The following TEDDM1 variants were observed in gnomAD, a reference collection of about 807,000 sequenced individuals.
TEDDM1 encodes epididymal protein 9.
For synonymous variants in TEDDM1, 126 were observed against 128.0 expected (o/e 0.98, Z 0.11); for missense variants, 344 against 318.9 (o/e 1.08, Z -0.60).
chr1:182,400,165 G>A lies in TEDDM1; in HGVS notation c.321C>T (p.Ile107=), dbSNP rs1387487961. 1 of 1,614,078 alleles carries A rather than the reference G, an allele frequency of 6.2e-7. No individual in the cohort carries two copies. The highest frequency in any genetic ancestry group is 2.2e-5 in the East Asian group (1 of 44,874). The change falls in exon 1 of 1, where the codon ATC becomes ATT. Residue 107 remains isoleucine, a synonymous_variant. Transcript: ENST00000367565. ...CCATCAGCAGCAGGAGCTCGTAGAT[G>A]ATCAGGACCAGGGTACCTTTTTCTA... ...VGLEKGTLVL[I]IYELLLLMVS...
rs1471696549 is a variant in TEDDM1 at position 182,400,422 on chromosome 1, T to A, written c.64A>T (p.Arg22Trp). 1 of 1,613,964 alleles carries A rather than the reference T, an allele frequency of 6.2e-7. No homozygotes were observed. Among genetic ancestry groups the A allele is most frequent in the African/African-American group, 1.3e-5 (1 of 74,932 alleles). ...CCTCCATAGGCTATTTTCCACAGCC[T>A]GGCACATCTTTGCTTATTCCTGGGA... is the stretch of plus-strand genomic sequence containing the variant. ...CSPRNKQRCA[R>W]LWKIAYGGLL... The change falls in exon 1 of 1, where the codon AGG becomes TGG. Residue 22 changes from arginine to tryptophan, a missense_variant. By Grantham distance (101) the Arg-to-Trp change is moderately radical. Coordinates refer to ENST00000367565, the MANE Select transcript of TEDDM1 (RefSeq NM_172000.4).
rs368830010 is a variant in TEDDM1 at position 182,399,918 on chromosome 1, C to T, written c.568G>A (p.Asp190Asn). 57 of 1,614,052 alleles carry T rather than the reference C, an allele frequency of 3.5e-5. No homozygotes were observed. The highest frequency in any genetic ancestry group is 4.4e-5 in the Non-Finnish European group (52 of 1,180,030). ...ACAAACATGATGTCACTGATGTCATCGTCCTGCCATGGGTAGCCAGAGACG... is the reference window on the plus strand; with the variant it reads ...ACAAACATGATGTCACTGATGTCATTGTCCTGCCATGGGTAGCCAGAGACG... Reference protein sequence around the residue: ...RPVSGYPWQDDDISDIMFVTT... With the variant: ...RPVSGYPWQDNDISDIMFVTT... The change falls in exon 1 of 1, where the codon GAT becomes AAT. Residue 190 changes from aspartate (D) to asparagine (N), a missense_variant. Physicochemically the swap from Asp to Asn is conservative, Grantham distance 23. Transcript: ENST00000367565.
chr1:182,399,720 C>G lies in TEDDM1; in HGVS notation c.766G>C (p.Val256Leu). 6.2e-7 allele frequency: 1 copy of G among 1,614,110 alleles called. No homozygotes were observed. The highest frequency in any genetic ancestry group is 1.1e-5 in the South Asian group (1 of 91,070). Reference protein sequence around the residue: ...PGPLYKLLQEVEQSEKEDQAL... With the variant: ...PGPLYKLLQELEQSEKEDQAL... The stretch of plus-strand genomic sequence containing the variant: ...TGGTCCTCTTTCTCTGACTGCTCCA[C>G]TTCCTGTAGCAACTTGTAGAGGGGT... Residue 256 changes from valine (V) to leucine (L), a missense_variant, in exon 1 of 1, where the codon GTG (valine) becomes CTG (leucine). Val to Leu is a conservative substitution (Grantham distance 32). Transcript: ENST00000367565.
rs1374837431 is a variant in TEDDM1 at position 182,398,778 on chromosome 1, T to A, written c.*886A>T. ...GTAATAAAATGAGAAGTCAGGGAAG[T>A]ACCAAGCATTTGAATGCTATAAAAA... is the stretch of plus-strand genomic sequence containing the variant. On this transcript the variant is annotated 3_prime_UTR_variant, in exon 1 of 1. Coordinates refer to ENST00000367565, the MANE Select transcript of TEDDM1 (RefSeq NM_172000.4). 6.6e-6 allele frequency: 1 copy of A among 152,200 alleles called. No individual in the cohort carries two copies. The highest frequency in any genetic ancestry group is 2.4e-5 in the African/African-American group (1 of 41,454). The allele number at this position is 152,200 out of a possible 1,614,324, so 9.4% of individuals were successfully genotyped here.
Position 182,400,564 on chromosome 1 carries a change from TC to T in TEDDM1, c.-80del. On this transcript the variant is annotated 5_prime_UTR_variant, in exon 1 of 1. It removes the in-frame stop codon of an upstream open reading frame in the 5' UTR. Coordinates refer to ENST00000367565, the MANE Select transcript of TEDDM1 (RefSeq NM_172000.4). Reference sequence around the variant, plus strand: ...CCAGTTAAAAATGGCCAATGGACTTTCCCATGGAATACAGGCCTGTCCGACT... The same window carrying T: ...CCAGTTAAAAATGGCCAATGGACTTTCCATGGAATACAGGCCTGTCCGACT... 1 of 1,206,554 alleles carries T rather than the reference TC, an allele frequency of 8.3e-7. No homozygotes were observed. The highest frequency in any genetic ancestry group is 1.2e-6 in the Non-Finnish European group (1 of 865,648). The allele number at this position is 1,206,554 out of a possible 1,614,324, so 74.7% of individuals were successfully genotyped here.
chr1:182,399,518 G>GAAGAA lies in TEDDM1; in HGVS notation c.*141_*145dup. On this transcript the variant is annotated 3_prime_UTR_variant, in exon 1 of 1. Coordinates refer to ENST00000367565, the MANE Select transcript of TEDDM1 (RefSeq NM_172000.4). ...CTCAAAAAAAAAAAAAAAGAAAAGA[G>GAAGAA]AAGAAAAGAAAATGAACCAGCAGAC... is the stretch of plus-strand genomic sequence containing the variant. The GAAGAA allele has an allele frequency of 3.2e-6, 2 of 634,378 alleles. No homozygotes were observed. Among genetic ancestry groups the GAAGAA allele is most frequent in the South Asian group, 2.0e-5 (1 of 50,108 alleles). The allele number at this position is 634,378 out of a possible 1,614,324, so 39.3% of individuals were successfully genotyped here.
At position 182,400,185 on chromosome 1, in the gene TEDDM1, T is replaced by A. The variant is rs1650662448; in HGVS notation, c.301A>T (p.Lys101Ter). Residue 101 changes from lysine to a stop codon, truncating the protein, a stop_gained, in exon 1 of 1, where the codon AAA becomes TAA. Transcript: ENST00000367565. LOFTEE classifies it low-confidence loss of function (END_TRUNC). ...VLPQRCVGLE[K>*]GTLVLIIYEL... ...TAGATGATCAGGACCAGGGTACCTT[T>A]TTCTAGGCCCACACACCTCTGAGGC... 1 of 1,614,132 alleles carries A rather than the reference T, an allele frequency of 6.2e-7. No individual in the cohort carries two copies. Among genetic ancestry groups the A allele is most frequent in the African/African-American group, 1.3e-5 (1 of 75,012 alleles).
rs1316261485 is a variant in TEDDM1 at position 182,400,452 on chromosome 1, A to G, written c.34T>C (p.Cys12Arg). The change falls in exon 1 of 1, where the codon TGC (cysteine) becomes CGC (arginine). Residue 12 changes from cysteine to arginine, a missense_variant. Coordinates refer to ENST00000367565, the MANE Select transcript of TEDDM1 (RefSeq NM_172000.4). ...ILKGCLLYPL[C>R]SPRNKQRCAR... ...CATCTTTGCTTATTCCTGGGAGAGCACAAAGGATACAGGAGACAACCTTTG... is the reference window on the plus strand; with the variant it reads ...CATCTTTGCTTATTCCTGGGAGAGCGCAAAGGATACAGGAGACAACCTTTG... The G allele has an allele frequency of 1.9e-6, 3 of 1,612,278 alleles. No homozygotes were observed. Among genetic ancestry groups the G allele is most frequent in the Non-Finnish European group, 2.5e-6 (3 of 1,179,632 alleles).
chr1:182,400,171 G>A lies in TEDDM1; in HGVS notation c.315C>T (p.Val105=), dbSNP rs143934864. The A allele has an allele frequency of 4.1e-4, 659 of 1,613,940 alleles. 2 individuals carry two copies. The highest frequency in any genetic ancestry group is 7.6e-5 in the Non-Finnish European group (90 of 1,180,010). The change falls in exon 1 of 1, where the codon GTC becomes GTT. Residue 105 remains valine, a synonymous_variant. Coordinates refer to ENST00000367565, the MANE Select transcript of TEDDM1 (RefSeq NM_172000.4). ...RCVGLEKGTL[V]LIIYELLLLM... is the part of the protein sequence containing the mutation. ...GCAGCAGGAGCTCGTAGATGATCAG[G>A]ACCAGGGTACCTTTTTCTAGGCCCA... is the stretch of plus-strand genomic sequence containing the variant.
chr1:182,399,867 T>C lies in TEDDM1; in HGVS notation c.619A>G (p.Met207Val), dbSNP rs1265108292. Residue 207 changes from methionine (M) to valine (V), a missense_variant, in exon 1 of 1, where the codon ATG (methionine) becomes GTG (valine). Physicochemically the swap from Met to Val is conservative, Grantham distance 21. Coordinates refer to ENST00000367565, the MANE Select transcript of TEDDM1 (RefSeq NM_172000.4). Reference protein sequence around the residue: ...FVTTFFCWHVMINASFLLGIY... With the variant: ...FVTTFFCWHVVINASFLLGIY... ...CCCAACAGGAATGAGGCATTGATCATCACATGCCAGCAGAAGAAGGTGGTG... is the reference window on the plus strand; with the variant it reads ...CCCAACAGGAATGAGGCATTGATCACCACATGCCAGCAGAAGAAGGTGGTG... The C allele has an allele frequency of 6.2e-7, 1 of 1,614,048 alleles. No individual in the cohort carries two copies.
Position 182,399,936 on chromosome 1 carries a change from C to T in TEDDM1, c.550G>A (p.Gly184Ser), listed in dbSNP as rs1365797644. The T allele has an allele frequency of 1.2e-6, 2 of 1,613,948 alleles. No homozygotes were observed. Among genetic ancestry groups the T allele is most frequent in the Admixed American group, 1.7e-5 (1 of 59,978 alleles). The change falls in exon 1 of 1, where the codon GGC becomes AGC. Residue 184 changes from glycine to serine, a missense_variant. Transcript: ENST00000367565. ...ATGTCATCGTCCTGCCATGGGTAGC[C>T]AGAGACGGGTCTGTATAGAATAAAG... is the stretch of plus-strand genomic sequence containing the variant. ...AGFILYRPVS[G>S]YPWQDDDISD... is the part of the protein sequence containing the mutation.
rs1558175544 is a variant in TEDDM1 at position 182,398,845 on chromosome 1, A to G, written c.*819T>C. 1 of 152,236 alleles carries G rather than the reference A, an allele frequency of 6.6e-6. No homozygotes were observed. The allele number at this position is 152,236 out of a possible 1,614,324, so 9.4% of individuals were successfully genotyped here. On this transcript the variant is annotated 3_prime_UTR_variant, in exon 1 of 1. Coordinates refer to ENST00000367565, the MANE Select transcript of TEDDM1 (RefSeq NM_172000.4). ...TTCTATACAAATTTAAATTATGGAA[A>G]TTTGAAATGTTATTAAGTATTTAAA...
In TEDDM1 at chr1:182,398,397, T is replaced by G. The variant is rs1472764380; in HGVS notation, c.*1267A>C. On this transcript the variant is annotated 3_prime_UTR_variant, in exon 1 of 1. Coordinates refer to ENST00000367565, the MANE Select transcript of TEDDM1 (RefSeq NM_172000.4). ...GTCTTTTCCCTTTAGGAGCCTGTAC[T>G]TTAGTGGGTGAGGAAGAACCTTCTG... 6.6e-6 allele frequency: 1 copy of G among 152,236 alleles called. No individual in the cohort carries two copies. Among genetic ancestry groups the G allele is most frequent in the African/African-American group, 2.4e-5 (1 of 41,462 alleles). 9.4% of individuals were successfully genotyped at this position (152,236 alleles called of 1,614,324 possible).
At position 182,400,179 on chromosome 1, in the gene TEDDM1, T is replaced by G. The variant is rs1650662301; in HGVS notation, c.307A>C (p.Thr103Pro). 6.2e-7 allele frequency: 1 copy of G among 1,613,936 alleles called. No individual in the cohort carries two copies. The highest frequency in any genetic ancestry group is 1.3e-5 in the African/African-American group (1 of 74,946). Residue 103 changes from threonine (T) to proline (P), a missense_variant, in exon 1 of 1, where the codon ACC (threonine) becomes CCC (proline). Coordinates refer to ENST00000367565, the MANE Select transcript of TEDDM1 (RefSeq NM_172000.4). The stretch of plus-strand genomic sequence containing the variant: ...AGCTCGTAGATGATCAGGACCAGGG[T>G]ACCTTTTTCTAGGCCCACACACCTC... Reference protein sequence around the residue: ...PQRCVGLEKGTLVLIIYELLL... With the variant: ...PQRCVGLEKGPLVLIIYELLL...
Position 182,400,382 on chromosome 1 carries a change from A to G in TEDDM1, c.104T>C (p.Val35Ala), listed in dbSNP as rs1357983037. 1 of 1,614,204 alleles carries G rather than the reference A, an allele frequency of 6.2e-7. No homozygotes were observed. Among genetic ancestry groups the G allele is most frequent in the South Asian group, 1.1e-5 (1 of 91,080 alleles). The part of the protein sequence containing the change: ...KIAYGGLLKI[V>A]TGSLLTFYVV... ...ATAAAATGTTAAGAGGGAGCCAGTC[A>G]CTATCTTTAGTAATCCTCCATAGGC... The change falls in exon 1 of 1, where the codon GTG (valine) becomes GCG (alanine). Residue 35 changes from valine to alanine, a missense_variant. By Grantham distance (64) the Val-to-Ala change is moderately conservative (BLOSUM62 0). Coordinates refer to ENST00000367565, the MANE Select transcript of TEDDM1 (RefSeq NM_172000.4).
In TEDDM1 at chr1:182,399,045, A is replaced by C. The variant is rs185332066; in HGVS notation, c.*619T>G. ...GCACGTAAAGTACCCACTTTTCTTT[A>C]TCAAGATGAGATTTGAATGGGTCCA... is the stretch of plus-strand genomic sequence containing the variant. On this transcript the variant is annotated 3_prime_UTR_variant, in exon 1 of 1. Coordinates refer to ENST00000367565, the MANE Select transcript of TEDDM1 (RefSeq NM_172000.4). 6.6e-6 allele frequency: 1 copy of C among 152,534 alleles called. No homozygotes were observed. The highest frequency in any genetic ancestry group is 2.4e-5 in the African/African-American group (1 of 41,576). 9.4% of individuals were successfully genotyped at this position (152,534 alleles called of 1,614,324 possible). A position where few individuals can be genotyped will look rare whatever the true frequency, so the allele number is the denominator to read the frequency against.
rs1398159405 is a variant in TEDDM1 at position 182,398,313 on chromosome 1, A to T, written c.*1351T>A. On this transcript the variant is annotated 3_prime_UTR_variant, in exon 1 of 1. Transcript: ENST00000367565. Reference sequence around the variant, plus strand: ...GGAAGCAAAGAAGGCTTTATTAAACATAACCATGATCCATAGCTGGAGTAT... The same window carrying T: ...GGAAGCAAAGAAGGCTTTATTAAACTTAACCATGATCCATAGCTGGAGTAT... 6.6e-6 allele frequency: 1 copy of T among 152,252 alleles called. No individual in the cohort carries two copies. Among genetic ancestry groups the T allele is most frequent in the Non-Finnish European group, 1.5e-5 (1 of 68,044 alleles). The allele number at this position is 152,252 out of a possible 1,614,324, so 9.4% of individuals were successfully genotyped here.
Position 182,398,735 on chromosome 1 carries a change from G to A in TEDDM1, c.*929C>T, listed in dbSNP as rs1451841279. On this transcript the variant is annotated 3_prime_UTR_variant, in exon 1 of 1. Coordinates refer to ENST00000367565, the MANE Select transcript of TEDDM1 (RefSeq NM_172000.4). ...AAGGGTGGTCATGGTGAAAAGGAAA[G>A]TTTGGGCTAGAATAAGAGTAATAAA... 6.6e-6 allele frequency: 1 copy of A among 152,250 alleles called. No homozygotes were observed. Among genetic ancestry groups the A allele is most frequent in the Non-Finnish European group, 1.5e-5 (1 of 68,044 alleles). The allele number at this position is 152,250 out of a possible 1,614,324, so 9.4% of individuals were successfully genotyped here.
chr1:182,399,872 T>G lies in TEDDM1; in HGVS notation c.614A>C (p.His205Pro), dbSNP rs1182634206. ...CAGGAATGAGGCATTGATCATCACA[T>G]GCCAGCAGAAGAAGGTGGTGACAAA... Reference protein sequence around the residue: ...IMFVTTFFCWHVMINASFLLG... With the variant: ...IMFVTTFFCWPVMINASFLLG... The change falls in exon 1 of 1, where the codon CAT becomes CCT. Residue 205 changes from histidine (H) to proline (P), a missense_variant. His to Pro is a moderately conservative substitution (Grantham distance 77). Transcript: ENST00000367565. 3 of 1,614,038 alleles carry G rather than the reference T, an allele frequency of 1.9e-6. No individual in the cohort carries two copies. Among genetic ancestry groups the G allele is most frequent in the Non-Finnish European group, 2.5e-6 (3 of 1,180,046 alleles).
Sources: gnomAD v4.1 joint callset for allele counts on GRCh38, gnomAD v4.1.1 for gene constraint, MANE v1.5 for transcripts, NCBI Gene and HGNC (gene_info 2026-07-23, HGNC 2026-07-21) for gene names.